The following SSC5D variants were observed in gnomAD, a reference collection of about 807,000 sequenced individuals.
SSC5D encodes the protein soluble scavenger receptor cysteine-rich domain-containing protein SSC5D.
SSC5D carries 106 observed loss-of-function variants against 104.6 expected under a neutral mutation model. That is an observed-to-expected ratio of 1.01 (90% CI 0.87 to 1.19). SSC5D has a LOEUF of 1.19. Among genes scored for constraint, SSC5D ranks in the 50% most tolerant of loss-of-function variants. SSC5D has a pLI of 0.00. For synonymous variants in SSC5D, 860 were observed against 883.5 expected (o/e 0.97, Z 0.47); for missense variants, 1,993 against 2,153.8 (o/e 0.93, Z 1.48).
In SSC5D at chr19:55,518,711, CCT is replaced by C; in HGVS notation, c.4436_4437del (p.Pro1479ArgfsTer7). The C allele has an allele frequency of 1.3e-6, 2 of 1,550,954 alleles. No individual in the cohort carries two copies. On this transcript the variant is annotated frameshift_variant, in exon 14 of 14. Transcript: ENST00000389623. LOFTEE classifies it high-confidence loss of function. The part of the protein sequence containing the change: ...PHGPCVAPTP[P>X]VRVMACEPPA... ...TGGTCCATGTGTGGCCCCAACACCA[CCT>C]GTAAGGGTCATGGCTTGTGAGCCAC...
chr19:55,514,432 A>T (rs1161288605), intron 13 of SSC5D, among the ~76,000 whole-genome samples: 2 of 71,178 alleles, frequency 2.8e-5, no homozygotes, highest in Non-Finnish European at 4.6e-5. Context: ...AATAATAATA[A>T]TAATAATAAT....
chr19:55,489,711 C>T, intron 3 of SSC5D, 49 bp downstream of exon 3: 1 of 1,514,086 alleles, frequency 6.6e-7, no homozygotes, highest in Non-Finnish European at 8.8e-7. Context: ...TTGGAGATGA[C>T]CCAGGAACCC....
intron 12 of SSC5D, among the ~76,000 whole-genome samples, chr19:55,504,629 T>C (rs945653725): frequency 1.3e-5 from 2 of 152,200 alleles, no homozygotes; most frequent in African/African-American, 4.8e-5. Flanking sequence ...GCCTCCTGTG[T>C]AGCTGGGATT....
In SSC5D at chr19:55,500,833, T is replaced by C; in HGVS notation, c.2617+29T>C. On this transcript the variant is annotated intron_variant, in intron 11 of 13. Transcript: ENST00000389623. The surrounding 1 kb of genome is among the most constrained non-coding windows in gnomAD (Gnocchi z 4.6). ...CCAGGGCATGGCGGCGGTGGTGGGG[T>C]TGTCGGGGGTGGCCAGGAGAATGGA... 6.5e-6 allele frequency: 10 copies of C among 1,532,748 alleles called. No homozygotes were observed. Among genetic ancestry groups the C allele is most frequent in the Non-Finnish European group, 8.8e-6 (10 of 1,135,858 alleles). 94.9% of individuals were successfully genotyped at this position (1,532,748 alleles called of 1,614,324 possible).
intron 4 of SSC5D, 41 bp downstream of exon 4, chr19:55,490,036 G>T (rs1323473716): frequency 1.4e-6 from 2 of 1,410,090 alleles, no homozygotes. Flanking sequence ...CACCCAGCGT[G>T]CCCTCCTGCC....
At chr19:55,515,478 A>G (rs7408949) in intron 13 of SSC5D, among the ~76,000 whole-genome samples, 20,277 of 151,280 alleles carry the variant, frequency 0.13, 1,959 homozygotes, top group African/African-American at 0.26. Flanking sequence ...CACGCCTGTA[A>G]TCCCAGCACT....
rs776586243 is a variant in SSC5D at position 55,518,775 on chromosome 19, T to C, written c.4499T>C (p.Val1500Ala). 19 of 1,550,700 alleles carry C rather than the reference T, an allele frequency of 1.2e-5. No individual in the cohort carries two copies. Among genetic ancestry groups the C allele is most frequent in the Non-Finnish European group, 1.7e-5 (19 of 1,146,976 alleles). The change falls in exon 14 of 14, where the codon GTG becomes GCG. Residue 1500 changes from valine (V) to alanine (A), a missense_variant. This residue lies in a region of SSC5D where 349 missense variants were observed against 397.6 expected (regional missense o/e 0.88). Coordinates refer to ENST00000389623, the MANE Select transcript of SSC5D (RefSeq NM_001144950.2). ...LVELVAAVRD[V>A]GGQLQRLTQV... ...GAGCTGGTGGCTGCTGTGAGGGATG[T>C]GGGTGGTCAGCTGCAGAGACTGACC...
Position 55,518,127 on chromosome 19 carries a change from C to T in SSC5D, c.3851C>T (p.Thr1284Ile), listed in dbSNP as rs1987925115. 2.8e-6 allele frequency: 4 copies of T among 1,437,742 alleles called. No individual in the cohort carries two copies. The highest frequency in any genetic ancestry group is 3.7e-6 in the Non-Finnish European group (4 of 1,071,438). 89.1% of individuals were successfully genotyped at this position (1,437,742 alleles called of 1,614,324 possible). Reference sequence around the variant, plus strand: ...CATCCCACCACGACCCCTCACCCCACCACGACTCCTCACCCCACCACAACC... The same window carrying T: ...CATCCCACCACGACCCCTCACCCCATCACGACTCCTCACCCCACCACAACC... ...MPHPTTTPHP[T>I]TTPHPTTTPH... The change falls in exon 14 of 14, where the codon ACC (threonine) becomes ATC (isoleucine). Residue 1284 changes from threonine to isoleucine, a missense_variant. Thr to Ile is a moderately conservative substitution (Grantham distance 89). Transcript: ENST00000389623.
chr19:55,490,869 C>G lies in SSC5D; in HGVS notation c.684C>G (p.Asp228Glu). The G allele has an allele frequency of 1.3e-6, 2 of 1,546,718 alleles. No homozygotes were observed. The highest frequency in any genetic ancestry group is 1.7e-6 in the Non-Finnish European group (2 of 1,145,078). Reference protein sequence around the residue: ...RWGTVCDDGWDLRDAAVACRE... With the variant: ...RWGTVCDDGWELRDAAVACRE... Reference sequence around the variant, plus strand: ...GCACCGTATGTGACGATGGCTGGGACCTGCGCGACGCTGCTGTAGCCTGCC... The same window carrying G: ...GCACCGTATGTGACGATGGCTGGGAGCTGCGCGACGCTGCTGTAGCCTGCC... The change falls in exon 6 of 14, where the codon GAC becomes GAG. Residue 228 changes from aspartate to glutamate, a missense_variant. Asp to Glu is a conservative substitution (Grantham distance 45, BLOSUM62 2). This residue lies in a region of SSC5D where 1,101 missense variants were observed against 1,085.0 expected (regional missense o/e 1.01). Coordinates refer to ENST00000389623, the MANE Select transcript of SSC5D (RefSeq NM_001144950.2).
At position 55,493,635 on chromosome 19, in the gene SSC5D, G is replaced by C; in HGVS notation, c.936G>C (p.Gly312=). The change falls in exon 7 of 14, where the codon GGG becomes GGC. Residue 312 remains glycine (G), a synonymous_variant. Transcript: ENST00000389623. ...PRLRLADGPH[G]CAGRLEVWHG... ...TGCGCCTGGCCGATGGCCCCCACGG[G>C]TGCGCCGGCCGCCTGGAGGTCTGGC... 6.7e-7 allele frequency: 1 copy of C among 1,492,348 alleles called. No individual in the cohort carries two copies. Among genetic ancestry groups the C allele is most frequent in the Non-Finnish European group, 8.8e-7 (1 of 1,130,224 alleles). The allele number at this position is 1,492,348 out of a possible 1,614,324, so 92.4% of individuals were successfully genotyped here.
At position 55,501,131 on chromosome 19, in the gene SSC5D, C is replaced by T. The variant is rs148042104; in HGVS notation, c.2715C>T (p.His905=). ...CTACCACAGCGGGGGTACCTGGACA[C>T]ACTCTCCCCTGGAGGACCACCCGGC... ...KGTTTAGVPG[H]TLPWRTTRRP... The change falls in exon 12 of 14, where the codon CAC becomes CAT. Residue 905 remains histidine, a synonymous_variant. Coordinates refer to ENST00000389623, the MANE Select transcript of SSC5D (RefSeq NM_001144950.2). 25 of 1,551,302 alleles carry T rather than the reference C, an allele frequency of 1.6e-5. 1 individual carries two copies. The African/African-American group carries it at 2.7e-4, about 17-fold the overall frequency.
intron 7 of SSC5D, 75 bp downstream of exon 7, chr19:55,493,987 C>CGGCGGG (rs759866621): frequency 4.8e-6 from 1 of 206,422 alleles, no homozygotes; most frequent in Non-Finnish European, 6.9e-6. Context: ...TCGGCGGGGG[C>CGGCGGG]GGGGGGGTCC....
At chr19:55,501,228 G>A in intron 12 of SSC5D, 27 bp downstream of exon 12, 1 of 1,482,142 alleles carries the variant, frequency 6.7e-7, no homozygotes, top group Non-Finnish European at 8.9e-7. Flanking sequence ...GGGTGGCCAT[G>A]GAGGGCCTCC....
chr19:55,508,240 A>T (rs1023347233), intron 12 of SSC5D, among the ~76,000 whole-genome samples: 2 of 152,134 alleles, frequency 1.3e-5, no homozygotes, highest in Non-Finnish European at 2.9e-5. Flanking sequence ...CGCCACTGCC[A>T]GCTGGGAAGC....
rs532763173 is a variant in SSC5D, at chr19:55,500,927, G to A, written c.2618-107G>A. 25 of 1,511,314 alleles carry A rather than the reference G, an allele frequency of 1.7e-5. No homozygotes were observed. In the East Asian group the frequency reaches 5.9e-4, roughly 36 times the overall value. The allele number at this position is 1,511,314 out of a possible 1,614,324, so 93.6% of individuals were successfully genotyped here. A position where few individuals can be genotyped will look rare whatever the true frequency, so the allele number is the denominator to read the frequency against. On this transcript the variant is annotated intron_variant, in intron 11 of 13. Coordinates refer to ENST00000389623, the MANE Select transcript of SSC5D (RefSeq NM_001144950.2). This position sits in a 1 kb window ranked among gnomAD's most constrained non-coding sequence, Gnocchi z 4.6. ...AACTGGGTATGAGGGGTCGGGGTGG[G>A]GAGATCCCAGAGTTGCTCCAGAAGA...
chr19:55,496,948 CAG>C (rs1017893886), intron 8 of SSC5D, among the ~76,000 whole-genome samples: 10 of 152,234 alleles, frequency 6.6e-5, no homozygotes, highest in African/African-American at 2.2e-4. Flanking sequence ...TTAGTAGAGA[CAG>C]AGTTTCTCCA....
At chr19:55,508,008 C>T (rs1179055014) in intron 12 of SSC5D, among the ~76,000 whole-genome samples, 1 of 151,934 alleles carries the variant, frequency 6.6e-6, no homozygotes, top group East Asian at 1.9e-4. Flanking sequence ...GGGTTGGGGA[C>T]AGTGAGGAGA....
Position 55,489,380 on chromosome 19 carries a change from C to T in SSC5D, c.79C>T (p.His27Tyr). The change falls in exon 3 of 14, where the codon CAT becomes TAT. Residue 27 changes from histidine to tyrosine, a missense_variant. Around this residue, in one of 6 missense-constraint regions of SSC5D, gnomAD observed 1,101 missense variants for 1,085.0 expected, o/e 1.01. Coordinates refer to ENST00000389623, the MANE Select transcript of SSC5D (RefSeq NM_001144950.2). ...GCGCCTGCGCCTGGCCGATGGCCCC[C>T]ATGGGTGCGCTGGCCGCCTGGAGGT... is the stretch of plus-strand genomic sequence containing the variant. ...VERLRLADGP[H>Y]GCAGRLEVWH... 1 of 1,476,198 alleles carries T rather than the reference C, an allele frequency of 6.8e-7. No individual in the cohort carries two copies. The allele number at this position is 1,476,198 out of a possible 1,614,324, so 91.4% of individuals were successfully genotyped here.
chr19:55,489,078 C>A (rs1215137785), intron 2 of SSC5D, 46 bp downstream of exon 2: 3 of 977,608 alleles, frequency 3.1e-6, no homozygotes, highest in Non-Finnish European at 2.8e-6. Context: ...CCCCCCAGGC[C>A]TCCCCCTTCT....
Sources: gnomAD v4.1 joint callset for allele counts (sites outside exome capture counted in the v4.1 genomes callset) on GRCh38, gnomAD v4.1.1 for gene constraint, gnomAD v4.1.1 regional missense constraint, Gnocchi (gnomAD v3.1) non-coding constraint, MANE v1.5 for transcripts, NCBI Gene and HGNC (gene_info 2026-07-23, HGNC 2026-07-21) for gene names.